KIAA0586: variants seen among roughly 807,000 people sequenced by gnomAD.
KIAA0586 encodes the protein protein TALPID3.
A neutral mutation model predicts 169.8 loss-of-function variants in KIAA0586; 144 were observed. The ratio of observed to expected loss-of-function variants is 0.85; its 90% CI spans 0.74 to 0.97. The LOEUF (loss-of-function observed/expected upper bound fraction) is 0.97. KIAA0586 is among the 50% of genes least tolerant of loss of function. KIAA0586 has a pLI of 0.00. For synonymous variants in KIAA0586, 625 were observed against 612.4 expected, an observed-to-expected ratio of 1.02 and a Z score of -0.30; for missense variants, 1,854 against 1,823.0, an observed-to-expected ratio of 1.02 and a Z score of -0.31.
the KIAA0586 span, among the ~76,000 whole-genome samples, chr14:58,558,847 T>C: frequency 6.6e-6 from 1 of 152,208 alleles, no homozygotes; most frequent in Non-Finnish European, 1.5e-5. Context: ...TAGTCCTTGT[T>C]CTTAACAGCA....
intron 6 of KIAA0586, among the ~76,000 whole-genome samples, chr14:58,444,383 G>A (rs1010998129): frequency 6.6e-6 from 1 of 152,090 alleles, no homozygotes; most frequent in Non-Finnish European, 1.5e-5. Flanking sequence ...TCTCCCTCTA[G>A]TTGGCTTTTC....
chr14:58,479,973 G>T (rs959179182), intron 20 of KIAA0586, among the ~76,000 whole-genome samples: 5 of 151,866 alleles, frequency 3.3e-5, no homozygotes, highest in African/African-American at 9.7e-5. Context: ...TTCTAACTTT[G>T]TTCTTTTTTT....
intron 29 of KIAA0586, among the ~76,000 whole-genome samples, chr14:58,534,737 T>C (rs1163296316): frequency 6.6e-6 from 1 of 152,226 alleles, no homozygotes; most frequent in Non-Finnish European, 1.5e-5. Flanking sequence ...TTATTTGATA[T>C]TAAAGGTTAC....
chr14:58,498,972 A>G lies in KIAA0586; in HGVS notation c.4168+12A>G, dbSNP rs1300598494. On this transcript the variant is annotated intron_variant, in intron 27 of 30. Transcript: ENST00000652326. ...TGACACAGTTTCAGGTAGACACCAA[A>G]ATATTTTTTCTTGATGTGTCATAGT... 1 of 1,575,248 alleles carries G rather than the reference A, an allele frequency of 6.3e-7. No individual in the cohort carries two copies. Among genetic ancestry groups the G allele is most frequent in the South Asian group, 1.2e-5 (1 of 84,148 alleles).
chr14:58,508,532 T>C lies in KIAA0586; in HGVS notation c.4169-23T>C, dbSNP rs763124724. On this transcript the variant is annotated intron_variant, in intron 27 of 30. Coordinates refer to ENST00000652326, the MANE Select transcript of KIAA0586 (RefSeq NM_001329943.3). ...TAAATTTAACACTTTATTTTAACTT[T>C]TTATTTACATTTTTGATAACAGGTA... 3.3e-6 allele frequency: 5 copies of C among 1,516,360 alleles called. No individual in the cohort carries two copies. The South Asian group carries it at 6.3e-5, about 19-fold the overall frequency. 93.9% of individuals were successfully genotyped at this position (1,516,360 alleles called of 1,614,324 possible).
intron 6 of KIAA0586, among the ~76,000 whole-genome samples, chr14:58,445,431 C>G (rs929121003): frequency 6.0e-5 from 9 of 149,908 alleles, no homozygotes; most frequent in African/African-American, 2.2e-4. Context: ...CTTTTTCTTT[C>G]TTTTTCTTTT....
At position 58,475,139 on chromosome 14, in the gene KIAA0586, C is replaced by T. The variant is rs563046105; in HGVS notation, c.2825+342C>T. Among the ~76,000 whole-genome samples the T allele has an allele frequency of 1.8e-4, 27 of 152,304 alleles. No individual in the cohort carries two copies. The East Asian group carries it at 4.8e-3, about 27-fold the overall frequency. ...GCTAGGCCAGGGCCACGAACCAGTACCAGTCTGTGGCCTGTTAGGAACCAG... is the reference window on the plus strand; with the variant it reads ...GCTAGGCCAGGGCCACGAACCAGTATCAGTCTGTGGCCTGTTAGGAACCAG... On this transcript the variant is annotated intron_variant, in intron 19 of 30. Transcript: ENST00000652326.
chr14:58,442,298 C>T (rs528061894), intron 4 of KIAA0586, among the ~76,000 whole-genome samples: 1 of 151,932 alleles, frequency 6.6e-6, no homozygotes, highest in African/African-American at 2.4e-5. Flanking sequence ...TTAGTAGAGA[C>T]GGGGTTTCGC....
Position 58,457,735 on chromosome 14 carries a change from TTTCTGGTCTTTTTTTC to T in KIAA0586, c.1363-21_1363-6del. 2 of 1,478,092 alleles carry T rather than the reference TTTCTGGTCTTTTTTTC, an allele frequency of 1.4e-6. No homozygotes were observed. The highest frequency in any genetic ancestry group is 1.8e-6 in the Non-Finnish European group (2 of 1,081,688). 91.6% of individuals were successfully genotyped at this position (1,478,092 alleles called of 1,614,324 possible). A position where few individuals can be genotyped will look rare whatever the true frequency, so the allele number is the denominator to read the frequency against. On this transcript the variant is annotated splice_polypyrimidine_tract_variant and splice_region_variant and intron_variant, in intron 10 of 30. Transcript: ENST00000652326. ...AAGGAATCGTTGTGAGTTTAGTAAC[TTTCTGGTCTTTTTTTC>T]TTTTAAGCCAAAAGAATCTCTGAGT... is the stretch of plus-strand genomic sequence containing the variant.
intron 3 of KIAA0586, among the ~76,000 whole-genome samples, chr14:58,430,965 C>T (rs893391610): frequency 2.6e-5 from 4 of 152,196 alleles, no homozygotes; most frequent in South Asian, 2.1e-4. Context: ...ACCCTAGGTA[C>T]GTTATATAAG....
chr14:58,463,229 A>G (rs960110490), intron 14 of KIAA0586, among the ~76,000 whole-genome samples: 5 of 152,098 alleles, frequency 3.3e-5, no homozygotes, highest in African/African-American at 7.2e-5. Flanking sequence ...GTTCCTCTCC[A>G]TCTCCTCACT....
At chr14:58,444,506 C>T (rs1200466997) in intron 6 of KIAA0586, among the ~76,000 whole-genome samples, 1 of 152,106 alleles carries the variant, frequency 6.6e-6, no homozygotes, top group Non-Finnish European at 1.5e-5. Context: ...TCACTACAAC[C>T]TCCACCTCCT....
At chr14:58,530,296 C>T (rs1023086527) in intron 29 of KIAA0586, among the ~76,000 whole-genome samples, 1 of 152,116 alleles carries the variant, frequency 6.6e-6, no homozygotes, top group African/African-American at 2.4e-5. Context: ...AGTGCTATCC[C>T]CATCAAGCTA....
intron 28 of KIAA0586, 119 bp downstream of exon 28, chr14:58,508,828 C>T (rs1595429352): frequency 1.4e-6 from 1 of 704,896 alleles, no homozygotes; most frequent in African/African-American, 1.8e-5. Context: ...ATCATGCCTC[C>T]TTTATTTCCT....
downstream of KIAA0586, among the ~76,000 whole-genome samples, chr14:58,555,127 G>A (rs1266022070): frequency 9.2e-6 from 1 of 108,420 alleles, no homozygotes; most frequent in African/African-American, 3.7e-5. Flanking sequence ...TTTTGAGACA[G>A]TCTTGCTCTG....
At chr14:58,528,388 C>T (rs908099623) in intron 29 of KIAA0586, among the ~76,000 whole-genome samples, 1 of 152,178 alleles carries the variant, frequency 6.6e-6, no homozygotes, top group African/African-American at 2.4e-5. Flanking sequence ...CACCCCAAAT[C>T]AACAGAGTAT....
chr14:58,494,067 A>T (rs2042995690), intron 26 of KIAA0586, among the ~76,000 whole-genome samples: 1 of 151,922 alleles, frequency 6.6e-6, no homozygotes, highest in Non-Finnish European at 1.5e-5. Context: ...TTTATCTTTT[A>T]GATGCTGGGA....
chr14:58,442,764 A>C lies in KIAA0586; in HGVS notation c.469A>C (p.Ile157Leu). 1.3e-6 allele frequency: 2 copies of C among 1,598,114 alleles called. No homozygotes were observed. The highest frequency in any genetic ancestry group is 1.7e-6 in the Non-Finnish European group (2 of 1,171,194). The change falls in exon 5 of 31, where the codon ATA becomes CTA. Residue 157 changes from isoleucine (I) to leucine (L), a missense_variant. Coordinates refer to ENST00000652326, the MANE Select transcript of KIAA0586 (RefSeq NM_001329943.3). The part of the protein sequence containing the change: ...VKVHLLEDAG[I>L]EKDAVTQETR... ...GGTACATCTGTTAGAAGATGCAGGC[A>C]TAGAGAAGGATGCTGTTACTCAGGA...
intron 29 of KIAA0586, among the ~76,000 whole-genome samples, chr14:58,514,467 G>A (rs1244292916): frequency 6.6e-6 from 1 of 152,100 alleles, no homozygotes; most frequent in African/African-American, 2.4e-5. Context: ...TCAGGGGGAA[G>A]TATCATGTAT....
Sources: allele counts gnomAD v4.1 joint callset (sites outside exome capture counted in the v4.1 genomes callset), GRCh38; gene constraint gnomAD v4.1.1; transcripts MANE v1.5; gene names NCBI Gene and HGNC (gene_info 2026-07-23, HGNC 2026-07-21).